The following MEI4 variants were observed in gnomAD, a reference collection of about 807,000 sequenced individuals.
MEI4 encodes the protein meiotic double-stranded break formation protein 4, also known as meiosis-specific protein MEI4.
MEI4 carries 27 observed loss-of-function variants against 31.4 expected under a neutral mutation model. That is an observed-to-expected ratio of 0.86 (90% CI 0.63 to 1.19). The LOEUF (loss-of-function observed/expected upper bound fraction) is 1.19, where lower values mean the gene tolerates loss of function less well. MEI4 is among the 50% of genes most tolerant of loss of function. The pLI is 0.00. For synonymous variants in MEI4, 122 were observed against 145.4 expected (o/e 0.84, Z 1.16); for missense variants, 329 against 398.9 (o/e 0.82, Z 1.49).
intron 1 of MEI4, among the ~76,000 whole-genome samples, chr6:77,662,542 AAAT>A (rs1768532481): frequency 6.6e-6 from 1 of 152,190 alleles, no homozygotes; most frequent in Non-Finnish European, 1.5e-5. Context: ...GTGAGGAAGA[AAAT>A]AAATTTTGGA....
intron 2 of MEI4, among the ~76,000 whole-genome samples, chr6:77,735,058 G>C (rs985384069): frequency 6.6e-6 from 1 of 151,992 alleles, no homozygotes; most frequent in Admixed American, 6.6e-5. Flanking sequence ...CTCTCTGGCT[G>C]CCCTTAACGT....
At chr6:77,700,933 A>G (rs1490088934) in intron 2 of MEI4, among the ~76,000 whole-genome samples, 1 of 152,128 alleles carries the variant, frequency 6.6e-6, no homozygotes, top group African/African-American at 2.4e-5. Context: ...TAATTTATGG[A>G]ATGAAAGAAT....
chr6:77,813,546 A>C (rs183718410), intron 3 of MEI4, among the ~76,000 whole-genome samples: 1 of 150,358 alleles, frequency 6.7e-6, no homozygotes, highest in Admixed American at 6.6e-5. Flanking sequence ...TCTAGGGTAC[A>C]TGTGAGAACA....
intron 2 of MEI4, among the ~76,000 whole-genome samples, chr6:77,744,813 T>G (rs922761636): frequency 3.3e-5 from 5 of 152,174 alleles, no homozygotes; most frequent in African/African-American, 1.2e-4. Flanking sequence ...GGGGCCAATA[T>G]TCAACATTCT....
At chr6:77,803,700 C>G (rs1769342328) in intron 3 of MEI4, among the ~76,000 whole-genome samples, 1 of 152,152 alleles carries the variant, frequency 6.6e-6, no homozygotes, top group African/African-American at 2.4e-5. Flanking sequence ...ATTCAGGACC[C>G]TCAGCTGCAG....
chr6:77,744,694 A>G (rs1249087143), intron 2 of MEI4, among the ~76,000 whole-genome samples: 3 of 152,188 alleles, frequency 2.0e-5, no homozygotes, highest in Non-Finnish European at 4.4e-5. Flanking sequence ...GAAATGAAGG[A>G]AAAATTGTTA....
At chr6:77,771,233 A>G (rs1231357828) in intron 3 of MEI4, among the ~76,000 whole-genome samples, 3 of 152,202 alleles carry the variant, frequency 2.0e-5, no homozygotes, top group Non-Finnish European at 2.9e-5. Flanking sequence ...CAAAACCACA[A>G]TGAGATACCA....
chr6:77,866,253 T>G (rs528931525), intron 4 of MEI4, among the ~76,000 whole-genome samples: 50 of 152,012 alleles, frequency 3.3e-4, no homozygotes, highest in African/African-American at 1.1e-3. Context: ...GAGAAGGAAA[T>G]AAAGGGTATT....
At chr6:77,734,686 G>T (rs1378235271) in intron 2 of MEI4, among the ~76,000 whole-genome samples, 1 of 149,770 alleles carries the variant, frequency 6.7e-6, no homozygotes, top group African/African-American at 2.4e-5. Context: ...CATTATGTTA[G>T]CTGGTTATTT....
chr6:77,735,328 C>G (rs1025461043), intron 2 of MEI4, among the ~76,000 whole-genome samples: 1 of 151,604 alleles, frequency 6.6e-6, no homozygotes, highest in Non-Finnish European at 1.5e-5. Context: ...AGGCTTTGCT[C>G]ATTTCTTTTT....
At chr6:77,829,360 G>A (rs1437906996) in intron 4 of MEI4, among the ~76,000 whole-genome samples, 4 of 152,156 alleles carry the variant, frequency 2.6e-5, no homozygotes, top group Non-Finnish European at 5.9e-5. Flanking sequence ...CAGGCAGCAT[G>A]TTTCTAAAGC....
chr6:77,882,667 C>G (rs996814851), intron 4 of MEI4, among the ~76,000 whole-genome samples: 1 of 152,126 alleles, frequency 6.6e-6, no homozygotes, highest in Non-Finnish European at 1.5e-5. Context: ...GCGCAGACTA[C>G]TTTGTGTAGT....
intron 4 of MEI4, among the ~76,000 whole-genome samples, chr6:77,917,017 G>A (rs1351345036): frequency 6.7e-5 from 10 of 150,098 alleles, no homozygotes; most frequent in South Asian, 2.1e-4. Flanking sequence ...GAGAATATGC[G>A]GTGTTTGGTT....
intron 2 of MEI4, among the ~76,000 whole-genome samples, chr6:77,711,265 A>G (rs1331674022): frequency 6.6e-6 from 1 of 152,152 alleles, no homozygotes; most frequent in African/African-American, 2.4e-5. Context: ...AATGCTAAGT[A>G]TGTGAGGTGA....
intron 3 of MEI4, among the ~76,000 whole-genome samples, chr6:77,792,436 G>T (rs116737587): frequency 3.9e-5 from 6 of 152,000 alleles, no homozygotes; most frequent in Non-Finnish European, 8.8e-5. Flanking sequence ...GTGTACAAGG[G>T]TTTCATTTTC....
At chr6:77,758,381 A>G (rs1458599597) in intron 2 of MEI4, among the ~76,000 whole-genome samples, 1 of 152,158 alleles carries the variant, frequency 6.6e-6, no homozygotes, top group Non-Finnish European at 1.5e-5. Context: ...AAATGAATAA[A>G]TTCTAAGTTA....
At chr6:77,772,738 C>A (rs1405086484) in intron 3 of MEI4, among the ~76,000 whole-genome samples, 2 of 151,836 alleles carry the variant, frequency 1.3e-5, no homozygotes, top group Non-Finnish European at 2.9e-5. Flanking sequence ...AAAGTGCATT[C>A]AGATTGGGAA....
intron 1 of MEI4, among the ~76,000 whole-genome samples, chr6:77,673,474 C>T (rs953189482): frequency 6.6e-6 from 1 of 152,160 alleles, no homozygotes; most frequent in Non-Finnish European, 1.5e-5. Context: ...TAGATTCAGC[C>T]TGCAGGCCCT....
chr6:77,708,679 A>G (rs1766386953), intron 2 of MEI4, among the ~76,000 whole-genome samples: 1 of 152,114 alleles, frequency 6.6e-6, no homozygotes, highest in African/African-American at 2.4e-5. Flanking sequence ...TCCCTCATGA[A>G]TTACATCATG....
Sources: allele counts gnomAD v4.1 joint callset (sites outside exome capture counted in the v4.1 genomes callset), GRCh38; gene constraint gnomAD v4.1.1; transcripts MANE v1.5; gene names NCBI Gene and HGNC (gene_info 2026-07-23, HGNC 2026-07-21).